The following ZSCAN12 variants were observed in gnomAD, a reference collection of about 807,000 sequenced individuals.
ZSCAN12 encodes zinc finger and SCAN domain containing 12.
ZSCAN12 carries 18 observed loss-of-function variants against 23.4 expected under a neutral mutation model. That is an observed-to-expected ratio of 0.77 (90% confidence interval 0.53 to 1.14). The LOEUF (loss-of-function observed/expected upper bound fraction) is 1.14. Ranked by LOEUF, ZSCAN12 falls within the 50% of genes most tolerant of loss-of-function variation. ZSCAN12 has a pLI of 0.00. For missense variants in ZSCAN12, 650 were observed against 735.0 expected, an observed-to-expected ratio of 0.88 and a Z score of 1.34; for synonymous variants, 186 against 253.4, an observed-to-expected ratio of 0.73 and a Z score of 2.53.
chr6:28,382,430 C>T (rs1270833292), downstream of ZSCAN12: 1 of 1,518,648 alleles, frequency 6.6e-7, no homozygotes, highest in East Asian at 2.5e-5. Context: ...CCTGTGATTT[C>T]TTTGCCAGCC....
In ZSCAN12 at chr6:28,394,273, C is replaced by T. The variant is rs367879271; in HGVS notation, c.403-1227G>A. On this transcript the variant is annotated intron_variant, in intron 2 of 3. Coordinates refer to ENST00000684592, the MANE Select transcript of ZSCAN12 (RefSeq NM_001163391.2). The stretch of plus-strand genomic sequence containing the variant: ...TGTGACCTTGGGCTAGTTACTTACT[C>T]TCTCTGAGATTATAAATAACATTTG... 3.3e-5 allele frequency among the ~76,000 whole-genome samples: 5 copies of T among 152,304 alleles called. No homozygotes were observed. In the East Asian group the frequency reaches 7.7e-4, roughly 23 times the overall value.
In ZSCAN12 at chr6:28,391,557, G is replaced by A. The variant is rs1760836684; in HGVS notation, c.733C>T (p.Gln245Ter). The A allele has an allele frequency of 6.4e-7, 1 of 1,552,260 alleles. No homozygotes were observed. The highest frequency in any genetic ancestry group is 8.7e-7 in the Non-Finnish European group (1 of 1,147,116). Residue 245 changes from glutamine (Q) to a stop codon, truncating the protein, a stop_gained, in exon 4 of 4, where the codon CAA becomes TAA. Coordinates refer to ENST00000684592, the MANE Select transcript of ZSCAN12 (RefSeq NM_001163391.2). LOFTEE classifies it low-confidence loss of function (END_TRUNC). This position sits in a 1 kb window ranked among gnomAD's most constrained non-coding sequence, Gnocchi z 4.1. ...EPSACSREDK[Q>*]PTCDENGVSL... is the part of the protein sequence containing the mutation. ...ACTCCATTTTCATCACAGGTAGGTT[G>A]TTTATCTTCTCTGGAGCAAGCAGAG...
At position 28,398,437 on chromosome 6, in the gene ZSCAN12, G is replaced by GT. The variant is rs1561965748; in HGVS notation, c.-33dup. 4.7e-6 allele frequency: 7 copies of GT among 1,503,080 alleles called. No homozygotes were observed. The highest frequency in any genetic ancestry group is 6.2e-6 in the Non-Finnish European group (7 of 1,121,194). 93.1% of individuals were successfully genotyped at this position (1,503,080 alleles called of 1,614,324 possible). On this transcript the variant is annotated 5_prime_UTR_variant, in exon 2 of 4. Transcript: ENST00000684592. ...TGTGCTAGAACTACCGGTGTTTCAA[G>GT]TAAGATCTCACCTGGAAACTGTATT...
chr6:28,398,932 CA>C (rs369893339), intron 1 of ZSCAN12, among the ~76,000 whole-genome samples: 119 of 90,878 alleles, frequency 1.3e-3, no homozygotes, highest in East Asian at 2.0e-3. Flanking sequence ...GACTCCGTCT[CA>C]AAAAAAAAAA....
chr6:28,392,393 G>A (rs143488283), intron 3 of ZSCAN12, among the ~76,000 whole-genome samples: 113 of 152,190 alleles, frequency 7.4e-4, no homozygotes, highest in African/African-American at 2.6e-3. Flanking sequence ...GGTCAGGCTG[G>A]TCTCGAACTC....
intron 2 of ZSCAN12, among the ~76,000 whole-genome samples, chr6:28,394,552 C>T (rs28360638): frequency 0.35 from 53,828 of 152,012 alleles, 10,264 homozygotes; most frequent in African/African-American, 0.5. Flanking sequence ...GCCAGTACTG[C>T]GAGCTGTGCC....
downstream of ZSCAN12, among the ~76,000 whole-genome samples, chr6:28,383,094 G>A (rs918477921): frequency 6.6e-6 from 1 of 151,800 alleles, no homozygotes; most frequent in Admixed American, 6.6e-5. Context: ...GAGAGATTAA[G>A]TAATTTGCTC....
chr6:28,392,499 A>G (rs1436381599), intron 3 of ZSCAN12, among the ~76,000 whole-genome samples: 1 of 152,002 alleles, frequency 6.6e-6, no homozygotes, highest in Non-Finnish European at 1.5e-5. Flanking sequence ...CTTTGTAAGT[A>G]TACAAATTTT....
At position 28,390,129 on chromosome 6, in the gene ZSCAN12, T is replaced by A. The variant is rs976568849; in HGVS notation, c.*325A>T. Among the ~76,000 whole-genome samples, 6 of 117,114 alleles carry A rather than the reference T, an allele frequency of 5.1e-5. No homozygotes were observed. The highest frequency in any genetic ancestry group is 1.0e-4 in the African/African-American group (2 of 19,104). The allele number at this position is 117,114 out of a possible 152,430, so 76.8% of individuals were successfully genotyped here. On this transcript the variant is annotated 3_prime_UTR_variant, in exon 4 of 4. Transcript: ENST00000684592. ...GGCAAAAGTAACCTGTCCTTTAGAA[T>A]TTACAGCACTTATAGTCTGTTACAA...
downstream of ZSCAN12, chr6:28,380,891 C>G (rs952560666): frequency 1.3e-5 from 2 of 153,650 alleles, no homozygotes; most frequent in Admixed American, 6.5e-5. Flanking sequence ...AATGCACAGA[C>G]AATTCAAATG....
rs1760677114 is a variant in ZSCAN12 at position 28,388,858 on chromosome 6, T to C, written c.*1596A>G. Among the ~76,000 whole-genome samples the C allele has an allele frequency of 6.6e-6, 1 of 152,120 alleles. No homozygotes were observed. On this transcript the variant is annotated 3_prime_UTR_variant, in exon 4 of 4. Coordinates refer to ENST00000684592, the MANE Select transcript of ZSCAN12 (RefSeq NM_001163391.2). ...AATAACAGGCCATCTCAGTAGAGAT[T>C]AAGAATGATTTCTGTAAATAAAAAG... is the stretch of plus-strand genomic sequence containing the variant.
At chr6:28,397,674 T>C (rs960155814) in intron 2 of ZSCAN12, among the ~76,000 whole-genome samples, 15 of 152,216 alleles carry the variant, frequency 9.9e-5, no homozygotes, top group African/African-American at 3.4e-4. Context: ...ATTTGTATTG[T>C]GCAACAGAGT....
intron 3 of ZSCAN12, among the ~76,000 whole-genome samples, chr6:28,392,598 A>T (rs1760902977): frequency 6.6e-6 from 1 of 152,180 alleles, no homozygotes; most frequent in Non-Finnish European, 1.5e-5. Flanking sequence ...TGCAAGTGGA[A>T]GATAGAGGTA....
intron 3 of ZSCAN12, 67 bp downstream of exon 3, chr6:28,392,835 A>G (rs1411598583): frequency 5.3e-6 from 8 of 1,511,466 alleles, no homozygotes; most frequent in African/African-American, 1.4e-5. Context: ...TAGCAAGTAC[A>G]AAAAAGCCCC....
rs1009421532 is a variant in ZSCAN12, at chr6:28,389,041, A to G, written c.*1413T>C. ...ATTTTTCAGAAGCCCAAGGGATAGT[A>G]TCTCTAATTTGGGGTCCTTTTATGT... On this transcript the variant is annotated 3_prime_UTR_variant, in exon 4 of 4. Transcript: ENST00000684592. Among the ~76,000 whole-genome samples the G allele has an allele frequency of 1.3e-5, 2 of 152,238 alleles. No individual in the cohort carries two copies. Among genetic ancestry groups the G allele is most frequent in the African/African-American group, 4.8e-5 (2 of 41,460 alleles).
chr6:28,391,145 CTT>C lies in ZSCAN12; in HGVS notation c.1143_1144del (p.Asp383GlnfsTer9). ...CTGAGTGCACTGATAAGGTTTGTCT[CTT>C]GTGTGGATCTTGATATGGTGAAAGA... is the stretch of plus-strand genomic sequence containing the variant. On this transcript the variant is annotated frameshift_variant, in exon 4 of 4. Coordinates refer to ENST00000684592, the MANE Select transcript of ZSCAN12 (RefSeq NM_001163391.2). LOFTEE classifies it low-confidence loss of function (END_TRUNC). This position sits in a 1 kb window ranked among gnomAD's most constrained non-coding sequence, Gnocchi z 4.1. 2 of 1,552,096 alleles carry C rather than the reference CTT, an allele frequency of 1.3e-6. No homozygotes were observed. The highest frequency in any genetic ancestry group is 2.4e-5 in the South Asian group (2 of 84,046).
rs370163566 is a variant in ZSCAN12, at chr6:28,389,422, G to A, written c.*1032C>T. Reference sequence around the variant, plus strand: ...CTCCTTGTGCTAAAAGTCTGCAGTGGCCTTTAGTTTATAGGACTGTGTTCA... The same window carrying A: ...CTCCTTGTGCTAAAAGTCTGCAGTGACCTTTAGTTTATAGGACTGTGTTCA... On this transcript the variant is annotated 3_prime_UTR_variant, in exon 4 of 4. Coordinates refer to ENST00000684592, the MANE Select transcript of ZSCAN12 (RefSeq NM_001163391.2). Among the ~76,000 whole-genome samples, 1 of 152,156 alleles carries A rather than the reference G, an allele frequency of 6.6e-6. No individual in the cohort carries two copies. The highest frequency in any genetic ancestry group is 1.5e-5 in the Non-Finnish European group (1 of 68,040).
Position 28,386,419 on chromosome 6 carries a change from C to T in ZSCAN12, c.*4035G>A, listed in dbSNP as rs141204233. On this transcript the variant is annotated 3_prime_UTR_variant, in exon 4 of 4. Transcript: ENST00000684592. ...TTTTATATTCTTCGTTTCCATCCCA[C>T]CCCGTTATTGTTATTTCAAAATCCA... 2.6e-3 allele frequency among the ~76,000 whole-genome samples: 397 copies of T among 152,326 alleles called. 2 individuals carry two copies. The highest frequency in any genetic ancestry group is 9.1e-3 in the African/African-American group (377 of 41,566).
Position 28,390,033 on chromosome 6 carries a change from T to C in ZSCAN12, c.*421A>G, listed in dbSNP as rs1312202993. 3.3e-5 allele frequency among the ~76,000 whole-genome samples: 5 copies of C among 152,202 alleles called. No individual in the cohort carries two copies. Among genetic ancestry groups the C allele is most frequent in the Non-Finnish European group, 7.3e-5 (5 of 68,032 alleles). ...GATGGCTTACATTTGTTTTACCCGC[T>C]TTCTCCCTTTTGACTGCTAAGTCTG... On this transcript the variant is annotated 3_prime_UTR_variant, in exon 4 of 4. Transcript: ENST00000684592.
Sources: allele counts gnomAD v4.1 joint callset (sites outside exome capture counted in the v4.1 genomes callset), GRCh38; gene constraint gnomAD v4.1.1; non-coding constraint Gnocchi (gnomAD v3.1); transcripts MANE v1.5; gene names NCBI Gene and HGNC (gene_info 2026-07-23, HGNC 2026-07-21).